Variants in ANKRD36C observed in about 807,000 individuals in gnomAD.
ANKRD36C encodes ankyrin repeat domain 36C.
ANKRD36C carries 61 observed loss-of-function variants against 276.4 expected under a neutral mutation model. The observed-to-expected ratio is 0.22, with a 90% confidence interval of 0.18 to 0.27. The LOEUF (loss-of-function observed/expected upper bound fraction) is 0.27, where lower values mean the gene tolerates loss of function less well. Among genes scored for constraint, ANKRD36C ranks in the 10% least tolerant of loss-of-function variants. The pLI, the probability that ANKRD36C is intolerant of heterozygous loss-of-function variation, is 1.00. For missense variants in ANKRD36C, 1,447 were observed against 2,032.3 expected, an observed-to-expected ratio of 0.71 and a Z score of 5.54; for synonymous variants, 483 against 680.1, an observed-to-expected ratio of 0.71 and a Z score of 4.51.
At chr2:95,925,198 T>A (rs1393983581) in intron 30 of ANKRD36C, among the ~76,000 whole-genome samples, 154 bp downstream of exon 30, 2 of 151,706 alleles carry the variant, frequency 1.3e-5, no homozygotes, top group Admixed American at 6.6e-5. Context: ...ACCAGCAGCA[T>A]CAGCACCACC....
exon 63 of ANKRD36C, chr2:95,855,427 G>C (rs1321041295): frequency 1.2e-6 from 2 of 1,613,222 alleles, no homozygotes; most frequent in African/African-American, 1.3e-5. Flanking sequence ...TGAATATTAA[G>C]TATTGCTTTT....
chr2:95,872,564 A>G (rs1327319498), intron 59 of ANKRD36C, among the ~76,000 whole-genome samples: 4 of 152,146 alleles, frequency 2.6e-5, no homozygotes, highest in East Asian at 3.9e-4. Flanking sequence ...AGAGAAAGCA[A>G]GAAAGATCCA....
rs1262019890 is a variant in ANKRD36C at position 95,916,265 on chromosome 2, T to C, written c.2348-94A>G. The C allele has an allele frequency of 5.0e-5, 78 of 1,568,524 alleles. 1 individual carries two copies. The South Asian group carries it at 8.4e-4, about 17-fold the overall frequency. On this transcript the variant is annotated intron_variant, in intron 36 of 66. Transcript: ENST00000456556. ...GTGTTAGCATCAACCTCTGAACTCC[T>C]GCCTGTATTAGTGGAGGCTTTGATG...
intron 6 of ANKRD36C, among the ~76,000 whole-genome samples, chr2:95,972,454 C>T (rs528657104): frequency 6.6e-6 from 1 of 152,148 alleles, no homozygotes; most frequent in Admixed American, 6.5e-5. Context: ...AGAGGGCTCC[C>T]GGAAGCTTGT....
At chr2:95,990,908 A>G (rs1387177909) in intron 1 of ANKRD36C, among the ~76,000 whole-genome samples, 1 of 152,220 alleles carries the variant, frequency 6.6e-6, no homozygotes, top group Non-Finnish European at 1.5e-5. Flanking sequence ...AAAACGCTGT[A>G]CATGCTGAAT....
chr2:95,887,862 G>C (rs367583115), intron 50 of ANKRD36C, 63 bp downstream of exon 70: 4 of 1,537,866 alleles, frequency 2.6e-6, no homozygotes, highest in Admixed American at 3.9e-5. Context: ...TGATTTGTTC[G>C]GGGAAGAGAA....
At chr2:95,919,334 TA>T (rs1239186696) in intron 34 of ANKRD36C, among the ~76,000 whole-genome samples, 1 of 133,434 alleles carries the variant, frequency 7.5e-6, no homozygotes, top group African/African-American at 2.5e-5. Flanking sequence ...TATAGGTTAT[TA>T]ATATCAGTTT....
chr2:95,963,956 TAAATATATATATATAA>T (rs1311358862), intron 6 of ANKRD36C, among the ~76,000 whole-genome samples: 27,934 of 89,024 alleles, frequency 0.31, 4,959 homozygotes, highest in East Asian at 0.58. Flanking sequence ...TATATATATA[TAAATATATATATATAA>T]ATATATATAT....
At chr2:95,902,724 C>G (rs941520633) in intron 42 of ANKRD36C, among the ~76,000 whole-genome samples, 162 bp downstream of exon 54, 3 of 150,292 alleles carry the variant, frequency 2.0e-5, no homozygotes, top group East Asian at 2.0e-4. Flanking sequence ...TGTTCCAGAC[C>G]AGCATCATCA....
chr2:95,855,001 G>C (rs1010750701), intron 63 of ANKRD36C, among the ~76,000 whole-genome samples: 5 of 152,054 alleles, frequency 3.3e-5, no homozygotes, highest in African/African-American at 1.2e-4. Context: ...TATTTCAGCA[G>C]TATAAGACTA....
intron 42 of ANKRD36C, among the ~76,000 whole-genome samples, chr2:95,909,032 C>A (rs540274531): frequency 1.3e-5 from 2 of 151,158 alleles, no homozygotes; most frequent in South Asian, 4.2e-4. Flanking sequence ...ACCTGAGAAT[C>A]AATGTCAAAG....
At chr2:95,865,876 G>A (rs1209591472) in intron 60 of ANKRD36C, among the ~76,000 whole-genome samples, 38 of 150,062 alleles carry the variant, frequency 2.5e-4, no homozygotes, top group African/African-American at 7.8e-4. Context: ...CTTTACAGTG[G>A]GTTTACTGAA....
intron 59 of ANKRD36C, among the ~76,000 whole-genome samples, chr2:95,874,773 C>T (rs1363701769): frequency 1.1e-4 from 16 of 152,164 alleles, no homozygotes; most frequent in African/African-American, 3.4e-4. Context: ...TTTTTGCAAC[C>T]TACTCATCTG....
chr2:95,912,589 A>G (rs1676965822), intron 40 of ANKRD36C, among the ~76,000 whole-genome samples, 154 bp from the exon 43 acceptor site: 2 of 151,448 alleles, frequency 1.3e-5, no homozygotes, highest in African/African-American at 4.8e-5. Context: ...AGAACGTGAC[A>G]GAAACACACT....
At chr2:95,971,691 A>AT (rs566161517) in intron 6 of ANKRD36C, among the ~76,000 whole-genome samples, 7 of 152,110 alleles carry the variant, frequency 4.6e-5, no homozygotes, top group Non-Finnish European at 5.9e-5. Context: ...TAAATGATTG[A>AT]TTTTTTTAAT....
At position 95,919,629 on chromosome 2, in the gene ANKRD36C, A is replaced by G. The variant is rs1677210767; in HGVS notation, c.2246-1587T>C. ...TCAGGCCTGCTGAATCAGAATGTGC[A>G]GCTTCGGCGACTCCCCCCACCCACC... On this transcript the variant is annotated intron_variant, in intron 34 of 66. Coordinates refer to ENST00000456556, the Ensembl canonical transcript of ANKRD36C. 5.0e-6 allele frequency: 3 copies of G among 595,484 alleles called. 1 individual carries two copies. The Admixed American group carries it at 2.3e-4, about 46-fold the overall frequency. The allele number at this position is 595,484 out of a possible 1,614,324, so 36.9% of individuals were successfully genotyped here.
chr2:95,942,050 G>A (rs1677908278), intron 19 of ANKRD36C, among the ~76,000 whole-genome samples: 1 of 152,288 alleles, frequency 6.6e-6, no homozygotes, highest in African/African-American at 2.4e-5. Flanking sequence ...ATTACAAAGA[G>A]TCAGGAAAGA....
chr2:95,910,162 T>G (rs1423548443), intron 42 of ANKRD36C, among the ~76,000 whole-genome samples: 1 of 151,338 alleles, frequency 6.6e-6, no homozygotes, highest in East Asian at 2.0e-4. Context: ...TCTTCCCAAC[T>G]TCAATGTGGG....
exon 63 of ANKRD36C, chr2:95,855,906 T>C (rs760435690): frequency 6.2e-7 from 1 of 1,613,820 alleles, no homozygotes; most frequent in South Asian, 1.1e-5. Flanking sequence ...CTCTCTTTGC[T>C]TCTCCAGTTT....
Sources: gnomAD v4.1 joint callset for allele counts (sites outside exome capture counted in the v4.1 genomes callset) on GRCh38, gnomAD v4.1.1 for gene constraint, MANE v1.5 for transcripts, NCBI Gene and HGNC (gene_info 2026-07-23, HGNC 2026-07-21) for gene names.